The following EFR3A variants were observed in gnomAD, a reference collection of about 807,000 sequenced individuals.
EFR3A encodes the protein protein EFR3 homolog A.
Under a neutral mutation model 104.4 loss-of-function variants are expected in EFR3A, and 76 were observed. The ratio of observed to expected loss-of-function variants is 0.73; its 90% CI spans 0.60 to 0.88. EFR3A has a LOEUF of 0.88. EFR3A is among the 40% of genes least tolerant of loss of function. The pLI, the probability that EFR3A is intolerant of heterozygous loss-of-function variation, is 0.00. For synonymous variants in EFR3A, 330 were observed against 330.0 expected, an observed-to-expected ratio of 1.00 and a Z score of 0.00; for missense variants, 985 against 1,012.5, an observed-to-expected ratio of 0.97 and a Z score of 0.37.
chr8:131,938,712 G>C (rs1818023665), intron 1 of EFR3A, among the ~76,000 whole-genome samples: 2 of 152,044 alleles, frequency 1.3e-5, no homozygotes, highest in Admixed American at 1.3e-4. Flanking sequence ...GAAATTTGCT[G>C]GTACTTGAGT....
intron 1 of EFR3A, among the ~76,000 whole-genome samples, chr8:131,931,151 G>T (rs1170548343): frequency 6.6e-6 from 1 of 152,072 alleles, no homozygotes; most frequent in Non-Finnish European, 1.5e-5. Context: ...TCCTGGGTTG[G>T]GGGCAGGGAG....
chr8:131,960,849 C>T (rs1819278068), intron 8 of EFR3A, among the ~76,000 whole-genome samples: 1 of 152,144 alleles, frequency 6.6e-6, no homozygotes, highest in South Asian at 2.1e-4. Context: ...AGACAGAGTT[C>T]ACTATTAGGC....
chr8:131,989,828 A>T (rs1261889811), intron 18 of EFR3A, among the ~76,000 whole-genome samples: 1 of 152,230 alleles, frequency 6.6e-6, no homozygotes, highest in Non-Finnish European at 1.5e-5. Context: ...AGAAAGAATG[A>T]TGATCTACCT....
rs1817873199 is a variant in EFR3A at position 131,936,228 on chromosome 8, T to TA, written c.11-4271_11-4270insA. On this transcript the variant is annotated intron_variant, in intron 1 of 22. Coordinates refer to ENST00000254624, the MANE Select transcript of EFR3A (RefSeq NM_015137.6). ...TTGCTGAATCTATATGAGAATGATG[T>TA]TAGGGGAGCAAAGGAGAAGAATTTT... Among the ~76,000 whole-genome samples, 9 of 152,220 alleles carry TA rather than the reference T, an allele frequency of 5.9e-5. No homozygotes were observed. In the South Asian group the frequency reaches 1.9e-3, roughly 32 times the overall value.
chr8:132,003,691 T>G (rs1337793473), intron 22 of EFR3A, among the ~76,000 whole-genome samples: 1 of 152,218 alleles, frequency 6.6e-6, no homozygotes. Flanking sequence ...CAGTAATAAG[T>G]CTACTTATGC....
intron 8 of EFR3A, among the ~76,000 whole-genome samples, chr8:131,962,038 T>C (rs1007239998): frequency 1.3e-5 from 2 of 152,046 alleles, no homozygotes; most frequent in Non-Finnish European, 1.5e-5. Context: ...CAGGCCTGCC[T>C]TACAAGAGCT....
intron 8 of EFR3A, among the ~76,000 whole-genome samples, chr8:131,963,946 T>C (rs1205036030): frequency 6.6e-5 from 10 of 152,276 alleles, no homozygotes; most frequent in Admixed American, 5.9e-4. Flanking sequence ...TAATCCAGCA[T>C]ATAAACAGAA....
chr8:131,997,166 A>G (rs1181063285), intron 19 of EFR3A, among the ~76,000 whole-genome samples: 1 of 152,096 alleles, frequency 6.6e-6, no homozygotes, highest in Non-Finnish European at 1.5e-5. Context: ...ACAAATCACC[A>G]GAGAATTTTT....
chr8:131,930,245 G>T (rs1817522277), intron 1 of EFR3A, among the ~76,000 whole-genome samples: 1 of 152,038 alleles, frequency 6.6e-6, no homozygotes, highest in South Asian at 2.1e-4. Context: ...TAGATTTGGT[G>T]CTTATGTTTT....
At chr8:131,992,009 C>T (rs1022508542) in intron 18 of EFR3A, among the ~76,000 whole-genome samples, 2 of 152,176 alleles carry the variant, frequency 1.3e-5, no homozygotes, top group African/African-American at 4.8e-5. Context: ...TGACCCCTTT[C>T]CTGCCCCCAT....
At chr8:131,991,821 G>A (rs1821201812) in intron 18 of EFR3A, among the ~76,000 whole-genome samples, 1 of 152,088 alleles carries the variant, frequency 6.6e-6, no homozygotes, top group South Asian at 2.1e-4. Context: ...GGAAGTTGGG[G>A]GGTGAGAAGG....
intron 8 of EFR3A, among the ~76,000 whole-genome samples, chr8:131,965,603 A>T (rs1819661248): frequency 6.6e-6 from 1 of 152,196 alleles, no homozygotes; most frequent in South Asian, 2.1e-4. Context: ...ACACTTTTAC[A>T]CTGTTGGTGG....
At chr8:131,906,759 C>T (rs1816283216) in intron 1 of EFR3A, among the ~76,000 whole-genome samples, 1 of 152,200 alleles carries the variant, frequency 6.6e-6, no homozygotes, top group Non-Finnish European at 1.5e-5. Flanking sequence ...GGTCGTGTTA[C>T]AAGCCTGTAG....
chr8:131,995,701 G>A (rs1447665852), intron 18 of EFR3A, among the ~76,000 whole-genome samples: 1 of 152,154 alleles, frequency 6.6e-6, no homozygotes, highest in African/African-American at 2.4e-5. Context: ...CAGGACTTCA[G>A]CATAGTCAGT....
At chr8:131,967,015 C>T (rs925086754) in intron 8 of EFR3A, among the ~76,000 whole-genome samples, 2 of 152,140 alleles carry the variant, frequency 1.3e-5, no homozygotes, top group African/African-American at 4.8e-5. Flanking sequence ...CTCCTTCACT[C>T]TCTGCAGTGT....
At chr8:131,961,634 T>C (rs1434861669) in intron 8 of EFR3A, among the ~76,000 whole-genome samples, 1 of 152,158 alleles carries the variant, frequency 6.6e-6, no homozygotes, top group African/African-American at 2.4e-5. Context: ...TGGAAAACAC[T>C]GCAGGATATT....
chr8:131,966,416 TGTC>T (rs950284587), intron 8 of EFR3A, among the ~76,000 whole-genome samples: 2 of 152,164 alleles, frequency 1.3e-5, no homozygotes, highest in African/African-American at 4.8e-5. Flanking sequence ...AATGCTCTTT[TGTC>T]GTCATTATTG....
At position 131,984,984 on chromosome 8, in the gene EFR3A, T is replaced by C. The variant is rs752332540; in HGVS notation, c.1793T>C (p.Met598Thr). 6.2e-7 allele frequency: 1 copy of C among 1,613,690 alleles called. No individual in the cohort carries two copies. The highest frequency in any genetic ancestry group is 1.7e-5 in the Admixed American group (1 of 60,002). ...NLPMFHRCGI[M>T]ALVAAYLNFV... is the part of the protein sequence containing the mutation. ...CCAATGTTCCATCGTTGTGGAATCA[T>C]GGCACTGGTTGCAGCATACCTCAAC... Residue 598 changes from methionine to threonine, a missense_variant, in exon 16 of 23, where the codon ATG becomes ACG. Coordinates refer to ENST00000254624, the MANE Select transcript of EFR3A (RefSeq NM_015137.6).
intron 22 of EFR3A, among the ~76,000 whole-genome samples, chr8:132,008,743 T>C (rs774667655): frequency 5.5e-5 from 8 of 146,384 alleles, no homozygotes; most frequent in Non-Finnish European, 1.0e-4. Context: ...TTGGGGGTGA[T>C]TGAAAGTGTT....
Sources: gnomAD v4.1 joint callset for allele counts (sites outside exome capture counted in the v4.1 genomes callset) on GRCh38, gnomAD v4.1.1 for gene constraint, MANE v1.5 for transcripts, NCBI Gene and HGNC (gene_info 2026-07-23, HGNC 2026-07-21) for gene names.